PPP3CB: variants seen among roughly 807,000 people sequenced by gnomAD.
PPP3CB encodes protein phosphatase 3 catalytic subunit beta.
In PPP3CB, 8 loss-of-function variants were observed where a neutral mutation model predicts 66.4. The observed-to-expected ratio is 0.12, with a 90% confidence interval of 0.07 to 0.22. The LOEUF (loss-of-function observed/expected upper bound fraction) is 0.22, where lower values mean the gene tolerates loss of function less well. PPP3CB is among the 10% of genes least tolerant of loss of function. The pLI, the probability that PPP3CB is intolerant of heterozygous loss-of-function variation, is 1.00. For synonymous variants in PPP3CB, 208 were observed against 221.2 expected, an observed-to-expected ratio of 0.94 and a Z score of 0.53; for missense variants, 319 against 642.5, an observed-to-expected ratio of 0.50 and a Z score of 5.44.
Position 73,438,081 on chromosome 10 carries a change from C to T in PPP3CB, c.*161G>A. On this transcript the variant is annotated 3_prime_UTR_variant, in exon 14 of 14. Transcript: ENST00000360663. Reference sequence around the variant, plus strand: ...TTATCAGATAGCACATGTCCCAGGGCCCTCAAGCCTCCATCCAGGAAGGGG... The same window carrying T: ...TTATCAGATAGCACATGTCCCAGGGTCCTCAAGCCTCCATCCAGGAAGGGG... 1.5e-6 allele frequency: 1 copy of T among 670,548 alleles called. No individual in the cohort carries two copies. The highest frequency in any genetic ancestry group is 2.4e-6 in the Non-Finnish European group (1 of 410,314). The allele number at this position is 670,548 out of a possible 1,614,324, so 41.5% of individuals were successfully genotyped here.
Position 73,470,785 on chromosome 10 carries a change from C to T in PPP3CB, c.888-4G>A, listed in dbSNP as rs770169200. 4.4e-6 allele frequency: 7 copies of T among 1,596,750 alleles called. No individual in the cohort carries two copies. The highest frequency in any genetic ancestry group is 1.1e-5 in the South Asian group (1 of 88,898). On this transcript the variant is annotated splice_polypyrimidine_tract_variant and splice_region_variant and intron_variant, in intron 7 of 13. Coordinates refer to ENST00000360663, the MANE Select transcript of PPP3CB (RefSeq NM_021132.4). The stretch of plus-strand genomic sequence containing the variant: ...ACTTTTTCTGTACATTCTATAGCTG[C>T]AAAACAAATAGCTTAATATGCATCG...
intron 10 of PPP3CB, among the ~76,000 whole-genome samples, chr10:73,451,968 G>A (rs2056353305): frequency 6.6e-6 from 1 of 151,330 alleles, no homozygotes; most frequent in South Asian, 2.1e-4. Flanking sequence ...GGATGGTCTT[G>A]ATCTCCTGAC....
chr10:73,467,753 C>A, intron 8 of PPP3CB, 75 bp from the exon 9 acceptor site: 2 of 1,362,364 alleles, frequency 1.5e-6, no homozygotes, highest in African/African-American at 1.5e-5. Flanking sequence ...ATATAAAATA[C>A]ATAAAAGCAG....
chr10:73,471,726 T>C (rs137871241), intron 4 of PPP3CB, 113 bp from the exon 5 acceptor site: 170 of 770,774 alleles, frequency 2.2e-4, no homozygotes, highest in African/African-American at 2.1e-3. Context: ...TTATATCTTA[T>C]AGCTATTTAT....
intron 3 of PPP3CB, among the ~76,000 whole-genome samples, chr10:73,477,944 A>G (rs2056818223): frequency 6.6e-6 from 1 of 152,136 alleles, no homozygotes; most frequent in South Asian, 2.1e-4. Context: ...AAAGAGAAAA[A>G]GGAAGAAAAG....
chr10:73,474,128 C>T (rs544191477), intron 4 of PPP3CB, among the ~76,000 whole-genome samples: 3 of 152,128 alleles, frequency 2.0e-5, no homozygotes, highest in East Asian at 3.9e-4. Context: ...CTGCAACCTC[C>T]GCCTCCCAGG....
rs187798690 is a variant in PPP3CB, at chr10:73,460,198, C to T, written c.1109-5709G>A. The stretch of plus-strand genomic sequence containing the variant: ...TGGAGCCATTTAACGGATATTAAAT[C>T]GTAGCTTTAAAGTATACATTTTCAT... On this transcript the variant is annotated intron_variant, in intron 9 of 13. Transcript: ENST00000360663. Among the ~76,000 whole-genome samples the T allele has an allele frequency of 2.9e-3, 402 of 138,704 alleles. 2 individuals carry two copies. The highest frequency in any genetic ancestry group is 8.5e-3 in the Middle Eastern group (2 of 234). 91.0% of individuals were successfully genotyped at this position (138,704 alleles called of 152,430 possible).
chr10:73,455,415 C>T lies in PPP3CB; in HGVS notation c.1109-926G>A, dbSNP rs180684964. ...TTGGATATCCTCAAGATTCTCTCTG[C>T]ATTATTATTCCTCCTATATGTTCAA... On this transcript the variant is annotated intron_variant, in intron 9 of 13. Transcript: ENST00000360663. 2.0e-5 allele frequency among the ~76,000 whole-genome samples: 3 copies of T among 152,284 alleles called. No homozygotes were observed. The East Asian group carries it at 5.8e-4, about 29-fold the overall frequency.
At chr10:73,480,458 T>C (rs1331515078) in intron 1 of PPP3CB, among the ~76,000 whole-genome samples, 1 of 150,630 alleles carries the variant, frequency 6.6e-6, no homozygotes, top group Non-Finnish European at 1.5e-5. Context: ...TTTTTTTTTT[T>C]TTTTGAGATG....
At chr10:73,477,591 T>C (rs777672843) in intron 3 of PPP3CB, among the ~76,000 whole-genome samples, 6 of 152,170 alleles carry the variant, frequency 3.9e-5, no homozygotes, top group Non-Finnish European at 7.3e-5. Flanking sequence ...AAAATACATA[T>C]TGTTCTACAT....
intron 10 of PPP3CB, among the ~76,000 whole-genome samples, chr10:73,449,602 G>T (rs2056312695): frequency 6.6e-6 from 1 of 152,108 alleles, no homozygotes; most frequent in African/African-American, 2.4e-5. Context: ...AAAACTGCAT[G>T]CAACCTAAAT....
chr10:73,476,978 T>G (rs1407953286), intron 3 of PPP3CB, among the ~76,000 whole-genome samples: 1 of 152,150 alleles, frequency 6.6e-6, no homozygotes, highest in African/African-American at 2.4e-5. Flanking sequence ...TAAACAACAG[T>G]AACCAACATA....
At chr10:73,484,005 G>A (rs1454533866) in intron 1 of PPP3CB, among the ~76,000 whole-genome samples, 2 of 151,928 alleles carry the variant, frequency 1.3e-5, no homozygotes, top group Admixed American at 1.3e-4. Flanking sequence ...TTAGCCAGGT[G>A]TGGTGTCGCG....
chr10:73,455,361 CCA>C (rs1159030259), intron 9 of PPP3CB, among the ~76,000 whole-genome samples: 1 of 152,112 alleles, frequency 6.6e-6, no homozygotes. Flanking sequence ...TCTGGTTTTC[CCA>C]CATTTGGATC....
chr10:73,480,862 G>A (rs890934609), intron 1 of PPP3CB, among the ~76,000 whole-genome samples: 1 of 152,150 alleles, frequency 6.6e-6, no homozygotes, highest in Non-Finnish European at 1.5e-5. Context: ...CTGTTTTTAA[G>A]TGATATTTGT....
At chr10:73,447,308 G>A (rs78406136) in intron 10 of PPP3CB, among the ~76,000 whole-genome samples, 7,082 of 152,270 alleles carry the variant, frequency 0.047, 503 homozygotes, top group African/African-American at 0.15. Context: ...TAGCTGTGCT[G>A]TCTACAACTG....
At chr10:73,489,020 A>T (rs1319445240) in intron 1 of PPP3CB, among the ~76,000 whole-genome samples, 1 of 152,192 alleles carries the variant, frequency 6.6e-6, no homozygotes, top group Non-Finnish European at 1.5e-5. Context: ...AAAACTTTGG[A>T]TCTTATTTTC....
intron 1 of PPP3CB, among the ~76,000 whole-genome samples, chr10:73,480,287 C>T (rs367728552): frequency 1.4e-4 from 21 of 152,228 alleles, no homozygotes; most frequent in African/African-American, 2.9e-4. Context: ...TGCATATATT[C>T]GAAACCAGTG....
In PPP3CB at chr10:73,474,802, T is replaced by A. The variant is rs552340386; in HGVS notation, c.523+117A>T. 1.3e-5 allele frequency: 18 copies of A among 1,399,992 alleles called. No homozygotes were observed. In the Admixed American group the frequency reaches 4.7e-4, roughly 36 times the overall value. The allele number at this position is 1,399,992 out of a possible 1,614,324, so 86.7% of individuals were successfully genotyped here. A position where few individuals can be genotyped will look rare whatever the true frequency, so the allele number is the denominator to read the frequency against. On this transcript the variant is annotated intron_variant, in intron 4 of 13. Transcript: ENST00000360663. ...CGACAACTTTCCTCAAAGCTTTATGTGTGGACATGAAATCTGTCCTTACAT... is the reference window on the plus strand; with the variant it reads ...CGACAACTTTCCTCAAAGCTTTATGAGTGGACATGAAATCTGTCCTTACAT...
Sources: gnomAD v4.1 joint callset for allele counts (sites outside exome capture counted in the v4.1 genomes callset) on GRCh38, gnomAD v4.1.1 for gene constraint, MANE v1.5 for transcripts, NCBI Gene and HGNC (gene_info 2026-07-23, HGNC 2026-07-21) for gene names.